BOLL: variants seen among roughly 807,000 people sequenced by gnomAD.
The protein encoded by BOLL is boule RNA binding protein, also known as protein boule-like.
A neutral mutation model predicts 44.4 loss-of-function variants in BOLL; 23 were observed. That is an observed-to-expected ratio of 0.52 (90% CI 0.37 to 0.73). The LOEUF (loss-of-function observed/expected upper bound fraction) is 0.73. BOLL is among the 30% of genes least tolerant of loss of function. The probability of loss-of-function intolerance (pLI) is 0.00; values close to 1 mark genes in which losing one functional copy is unlikely to be tolerated. For synonymous variants in BOLL, 97 were observed against 110.8 expected (o/e 0.88, Z 0.78); for missense variants, 287 against 338.3 (o/e 0.85, Z 1.19).
At chr2:197,734,033 A>G (rs1166157709) in intron 10 of BOLL, among the ~76,000 whole-genome samples, 19 of 151,502 alleles carry the variant, frequency 1.3e-4, no homozygotes, top group African/African-American at 4.1e-4. Context: ...GCAACCTACA[A>G]AATGGGAGAA....
chr2:197,756,635 G>C, intron 8 of BOLL, 79 bp from the exon 9 acceptor site: 1 of 1,331,352 alleles, frequency 7.5e-7, no homozygotes, highest in African/African-American at 1.5e-5. Context: ...CAACAGATGA[G>C]AGAAGTACTT....
chr2:197,786,065 T>C (rs1690060747), upstream of BOLL: 3 of 1,584,830 alleles, frequency 1.9e-6, no homozygotes, highest in African/African-American at 2.7e-5. The surrounding 1 kb of genome is among the most constrained non-coding windows in gnomAD (Gnocchi z 5.9). Flanking sequence ...TGAAACCACC[T>C]TCACGCCAAG....
At chr2:197,747,069 A>G (rs546552594) in intron 9 of BOLL, among the ~76,000 whole-genome samples, 1 of 152,238 alleles carries the variant, frequency 6.6e-6, no homozygotes, top group Admixed American at 6.5e-5. Flanking sequence ...AACATATTAT[A>G]TACTTGAAAA....
chr2:197,776,245 AT>A (rs1175836897), intron 4 of BOLL, among the ~76,000 whole-genome samples: 1 of 151,764 alleles, frequency 6.6e-6, no homozygotes, highest in Non-Finnish European at 1.5e-5. Flanking sequence ...CCCCATGTGT[AT>A]TGTTGAAGTG....
At chr2:197,729,373 C>G (rs1386453239) in intron 10 of BOLL, among the ~76,000 whole-genome samples, 1 of 152,202 alleles carries the variant, frequency 6.6e-6, no homozygotes, top group Non-Finnish European at 1.5e-5. Flanking sequence ...TGCAAGGCGG[C>G]AGCGAGGCTG....
At chr2:197,771,103 G>A (rs1226009040) in intron 6 of BOLL, among the ~76,000 whole-genome samples, 2 of 152,052 alleles carry the variant, frequency 1.3e-5, no homozygotes, top group Non-Finnish European at 2.9e-5. Context: ...CAACCCAAAT[G>A]CCCATCAATG....
intron 5 of BOLL, 69 bp downstream of exon 5, chr2:197,775,595 TA>T: frequency 3.0e-6 from 3 of 1,007,108 alleles, no homozygotes; most frequent in East Asian, 5.5e-5. Flanking sequence ...TAAAGTTCTA[TA>T]AAAAGTCTTA....
chr2:197,729,965 A>G (rs986140806), intron 10 of BOLL, among the ~76,000 whole-genome samples: 1 of 152,120 alleles, frequency 6.6e-6, no homozygotes, highest in Non-Finnish European at 1.5e-5. Flanking sequence ...TGGATGGGGA[A>G]TGACTTTGAC....
At chr2:197,756,643 C>T (rs1400275823) in intron 8 of BOLL, 87 bp from the exon 9 acceptor site, 4 of 1,294,072 alleles carry the variant, frequency 3.1e-6, no homozygotes, top group Non-Finnish European at 4.1e-6. Flanking sequence ...GAGAGAAGTA[C>T]TTGTTTTTTA....
chr2:197,773,990 CTT>C (rs1689390271), intron 5 of BOLL: 1 of 450,880 alleles, frequency 2.2e-6, no homozygotes, highest in East Asian at 7.3e-5. Flanking sequence ...TGTAAATGTA[CTT>C]TTAACACCTA....
intron 10 of BOLL, among the ~76,000 whole-genome samples, chr2:197,737,159 T>C (rs943167406): frequency 1.3e-5 from 2 of 152,162 alleles, no homozygotes; most frequent in African/African-American, 4.8e-5. Context: ...TCTTAAAAAT[T>C]GTATTTAATT....
intron 9 of BOLL, among the ~76,000 whole-genome samples, chr2:197,747,674 C>T (rs1161541491): frequency 6.7e-6 from 1 of 148,294 alleles, no homozygotes; most frequent in Non-Finnish European, 1.5e-5. Flanking sequence ...TAAGATCCAA[C>T]TGTGGAAATT....
intron 7 of BOLL, among the ~76,000 whole-genome samples, chr2:197,760,432 C>T (rs1012657546): frequency 1.1e-4 from 17 of 152,358 alleles, no homozygotes; most frequent in Middle Eastern, 3.4e-3. Context: ...AGCCATGTGC[C>T]TGCATACCAG....
chr2:197,727,783 T>G lies in BOLL; in HGVS notation c.*772A>C, dbSNP rs960242356. On this transcript the variant is annotated 3_prime_UTR_variant, in exon 11 of 11. Coordinates refer to ENST00000392296, the MANE Select transcript of BOLL (RefSeq NM_033030.6). ...CAAAATTCCAAAGGTGGATCCATAT[T>G]TTATAAAATTTGATACCAAATAAAT... 6.6e-6 allele frequency: 1 copy of G among 152,280 alleles called. No individual in the cohort carries two copies. Among genetic ancestry groups the G allele is most frequent in the Non-Finnish European group, 1.5e-5 (1 of 67,990 alleles). The allele number at this position is 152,280 out of a possible 1,614,324, so 9.4% of individuals were successfully genotyped here.
intron 10 of BOLL, among the ~76,000 whole-genome samples, chr2:197,739,437 A>T (rs562421847): frequency 5.9e-5 from 9 of 151,948 alleles, no homozygotes; most frequent in African/African-American, 2.2e-4. Context: ...AGTTTTTAAA[A>T]TTTTTATTTT....
At chr2:197,764,669 G>C (rs1688907668) in intron 7 of BOLL, among the ~76,000 whole-genome samples, 1 of 152,092 alleles carries the variant, frequency 6.6e-6, no homozygotes, top group South Asian at 2.1e-4. Context: ...TTGTATTCCT[G>C]TTTTTGTATA....
At chr2:197,732,022 C>T (rs1400394133) in intron 10 of BOLL, among the ~76,000 whole-genome samples, 2 of 150,248 alleles carry the variant, frequency 1.3e-5, no homozygotes, top group African/African-American at 4.9e-5. Flanking sequence ...AATCCAGGAG[C>T]TGGTTTTTTG....
chr2:197,773,083 T>C (rs531756244), intron 5 of BOLL, among the ~76,000 whole-genome samples: 36 of 151,918 alleles, frequency 2.4e-4, no homozygotes, highest in African/African-American at 8.7e-4. Context: ...CTAGTATTGT[T>C]ATTATTTATT....
At chr2:197,770,174 G>T (rs994046473) in intron 6 of BOLL, among the ~76,000 whole-genome samples, 18 of 151,608 alleles carry the variant, frequency 1.2e-4, no homozygotes, top group East Asian at 3.9e-4. Context: ...CAGAACAGAG[G>T]CCTCAGAAAT....
Sources: allele counts gnomAD v4.1 joint callset (sites outside exome capture counted in the v4.1 genomes callset), GRCh38; gene constraint gnomAD v4.1.1; non-coding constraint Gnocchi (gnomAD v3.1); transcripts MANE v1.5; gene names NCBI Gene and HGNC (gene_info 2026-07-23, HGNC 2026-07-21).